DTNB: variants seen among roughly 807,000 people sequenced by gnomAD.
The protein encoded by DTNB is dystrobrevin beta, also known as DTN-B.
In DTNB, 63 loss-of-function variants were observed where a neutral mutation model predicts 90.7. That is an observed-to-expected ratio of 0.69 (90% CI 0.57 to 0.86). The LOEUF (loss-of-function observed/expected upper bound fraction) is 0.86. DTNB is among the 40% of genes least tolerant of loss of function. DTNB has a pLI of 0.00. For missense variants in DTNB, 744 were observed against 807.1 expected, an observed-to-expected ratio of 0.92 and a Z score of 0.95; for synonymous variants, 277 against 286.7, an observed-to-expected ratio of 0.97 and a Z score of 0.34.
At chr2:25,563,854 A>T (rs571819745) in intron 8 of DTNB, among the ~76,000 whole-genome samples, 1 of 152,320 alleles carries the variant, frequency 6.6e-6, no homozygotes, top group African/African-American at 2.4e-5. Flanking sequence ...TCTTAAAATC[A>T]GGAAGTGTGA....
chr2:25,430,575 T>C (rs1330750265), intron 14 of DTNB, among the ~76,000 whole-genome samples: 1 of 152,072 alleles, frequency 6.6e-6, no homozygotes, highest in Non-Finnish European at 1.5e-5. Flanking sequence ...ACCATATTAG[T>C]ATAATATTTC....
At chr2:25,386,039 C>T in intron 18 of DTNB, 2 of 985,430 alleles carry the variant, frequency 2.0e-6, no homozygotes, top group Non-Finnish European at 2.4e-6. Flanking sequence ...GTGAGGTCAT[C>T]CTGAAGGCTG....
At chr2:25,515,396 A>G (rs543714560) in intron 9 of DTNB, among the ~76,000 whole-genome samples, 2 of 152,326 alleles carry the variant, frequency 1.3e-5, no homozygotes, top group South Asian at 4.1e-4. Flanking sequence ...AAGTTATAGT[A>G]ACCAAGATCA....
intron 2 of DTNB, among the ~76,000 whole-genome samples, chr2:25,652,362 T>G (rs1282534969): frequency 6.6e-6 from 1 of 152,138 alleles, no homozygotes; most frequent in African/African-American, 2.4e-5. Context: ...ACATTCTAGG[T>G]AACATTTCTG....
chr2:25,458,104 A>G (rs993996031), intron 10 of DTNB, among the ~76,000 whole-genome samples: 7 of 152,148 alleles, frequency 4.6e-5, no homozygotes, highest in Non-Finnish European at 7.3e-5. Context: ...AAGTGCTGGG[A>G]TTACAGGTGT....
intron 3 of DTNB, among the ~76,000 whole-genome samples, chr2:25,634,079 T>G: frequency 1.4e-5 from 2 of 145,560 alleles, no homozygotes; most frequent in African/African-American, 2.6e-5. Context: ...GGTGGGGGGG[T>G]CAGCCAGCCG....
chr2:25,555,784 G>A (rs2057237812), intron 8 of DTNB, among the ~76,000 whole-genome samples: 1 of 152,146 alleles, frequency 6.6e-6, no homozygotes, highest in Non-Finnish European at 1.5e-5. Context: ...GGGAGGCTGA[G>A]GCAGGTGGAT....
intron 11 of DTNB, among the ~76,000 whole-genome samples, chr2:25,454,611 G>A (rs2059733592): frequency 6.6e-6 from 1 of 152,186 alleles, no homozygotes. Flanking sequence ...GGCATGGAGT[G>A]AGCAGGAGAC....
At chr2:25,579,812 T>C (rs746051278) in intron 7 of DTNB, among the ~76,000 whole-genome samples, 3 of 152,072 alleles carry the variant, frequency 2.0e-5, no homozygotes, top group Non-Finnish European at 4.4e-5. Context: ...ATATAGCATA[T>C]ATACAGTTTT....
chr2:25,640,899 G>A (rs1323928867), intron 2 of DTNB, among the ~76,000 whole-genome samples: 1 of 152,112 alleles, frequency 6.6e-6, no homozygotes, highest in Non-Finnish European at 1.5e-5. Flanking sequence ...CCAGCTACTC[G>A]GGAGGCTGAG....
chr2:25,463,651 C>T (rs535100516), intron 10 of DTNB, among the ~76,000 whole-genome samples: 7 of 152,334 alleles, frequency 4.6e-5, no homozygotes, highest in African/African-American at 1.7e-4. Context: ...AGGGTCCTAA[C>T]TAATAATTCT....
intron 5 of DTNB, among the ~76,000 whole-genome samples, chr2:25,597,146 T>C (rs1057317384): frequency 1.3e-5 from 2 of 151,942 alleles, no homozygotes; most frequent in African/African-American, 2.4e-5. Flanking sequence ...CTGGGCAACA[T>C]AGTGAGACCT....
chr2:25,576,778 T>C (rs2060743571), intron 8 of DTNB, 60 bp downstream of exon 8: 1 of 1,496,750 alleles, frequency 6.7e-7, no homozygotes, highest in Non-Finnish European at 9.0e-7. Context: ...CTGGCCCAGG[T>C]GCTGTTACTG....
chr2:25,538,038 A>T (rs185299947), intron 8 of DTNB, among the ~76,000 whole-genome samples: 2 of 152,166 alleles, frequency 1.3e-5, no homozygotes, highest in African/African-American at 4.8e-5. Context: ...CCCTTTACCT[A>T]ATTTCAAAAC....
intron 16 of DTNB, among the ~76,000 whole-genome samples, chr2:25,408,030 G>A (rs944989725): frequency 1.3e-5 from 2 of 151,962 alleles, no homozygotes; most frequent in African/African-American, 4.8e-5. Flanking sequence ...GACTGGGCAG[G>A]TGCTGTGGCT....
intron 10 of DTNB, among the ~76,000 whole-genome samples, chr2:25,457,208 C>T (rs563387058): frequency 6.6e-6 from 1 of 152,124 alleles, no homozygotes; most frequent in Admixed American, 6.5e-5. Context: ...CGGGGTTTCA[C>T]CATGTTGGCC....
At chr2:25,454,359 T>C (rs1412126497) in intron 11 of DTNB, among the ~76,000 whole-genome samples, 14 of 152,214 alleles carry the variant, frequency 9.2e-5, no homozygotes, top group Non-Finnish European at 2.9e-5. Flanking sequence ...CAAGGTCAGA[T>C]GACCCTCCCA....
At chr2:25,406,711 G>A (rs1431300206) in intron 16 of DTNB, among the ~76,000 whole-genome samples, 1 of 152,176 alleles carries the variant, frequency 6.6e-6, no homozygotes, top group Admixed American at 6.5e-5. Context: ...GGATGGCTGA[G>A]GGTGACTTAG....
intron 4 of DTNB, among the ~76,000 whole-genome samples, chr2:25,627,124 T>C (rs2074343858): frequency 6.6e-6 from 1 of 152,082 alleles, no homozygotes; most frequent in South Asian, 2.1e-4. Flanking sequence ...AAAGAGAAAA[T>C]CTGTTTGGCC....
Sources: gnomAD v4.1 joint callset for allele counts (sites outside exome capture counted in the v4.1 genomes callset) on GRCh38, gnomAD v4.1.1 for gene constraint, MANE v1.5 for transcripts, NCBI Gene and HGNC (gene_info 2026-07-23, HGNC 2026-07-21) for gene names.